Variants in HSD17B7 observed in about 807,000 individuals in gnomAD.
HSD17B7 encodes hydroxysteroid 17-beta dehydrogenase 7, also known as 3-keto-steroid reductase/17-beta-hydroxysteroid dehydrogenase 7.
Under a neutral mutation model 34.1 loss-of-function variants are expected in HSD17B7, and 17 were observed. The observed-to-expected ratio is 0.50, with a 90% CI of 0.34 to 0.75. The LOEUF (loss-of-function observed/expected upper bound fraction) is 0.75. Ranked by LOEUF, HSD17B7 falls within the 30% of genes least tolerant of loss-of-function variation. The pLI is 0.01. For synonymous variants in HSD17B7, 122 were observed against 154.6 expected (o/e 0.79, Z 1.56); for missense variants, 296 against 406.6 (o/e 0.73, Z 2.34).
At chr1:162,809,616 G>A (rs1649108648) in intron 8 of HSD17B7, among the ~76,000 whole-genome samples, 2 of 152,070 alleles carry the variant, frequency 1.3e-5, no homozygotes, top group South Asian at 4.1e-4. Flanking sequence ...TTGGTTGGTA[G>A]GCTATTAATT....
rs756546235 is a variant in HSD17B7 at position 162,796,619 on chromosome 1, G to T, written c.274G>T (p.Gly92Trp). The change falls in exon 3 of 9, where the codon GGG becomes TGG. Residue 92 changes from glycine to tryptophan, a missense_variant. Gly to Trp is a radical substitution (Grantham distance 184). Transcript: ENST00000254521. ...ATTAGACTGTATATATCTAAATGCTGGGATCATGCCTAATCCACAACTAAA... is the reference window on the plus strand; with the variant it reads ...ATTAGACTGTATATATCTAAATGCTTGGATCATGCCTAATCCACAACTAAA... ...QRLDCIYLNA[G>W]IMPNPQLNIK... 6.2e-7 allele frequency: 1 copy of T among 1,612,270 alleles called. No individual in the cohort carries two copies. The highest frequency in any genetic ancestry group is 1.3e-5 in the African/African-American group (1 of 74,854).
chr1:162,799,179 C>T (rs770230855), intron 4 of HSD17B7, among the ~76,000 whole-genome samples: 3 of 151,934 alleles, frequency 2.0e-5, no homozygotes, highest in Non-Finnish European at 4.4e-5. Context: ...TCCATATGGA[C>T]TCATGTTTAT....
chr1:162,790,925 A>G (rs1420382934), intron 1 of HSD17B7, 90 bp downstream of exon 1: 2 of 913,220 alleles, frequency 2.2e-6, no homozygotes, highest in African/African-American at 3.2e-5. Flanking sequence ...GGACCCCGGA[A>G]GCGCCCGCCC....
chr1:162,808,221 G>A (rs571211418), intron 8 of HSD17B7, among the ~76,000 whole-genome samples: 18,604 of 152,148 alleles, frequency 0.12, 1,483 homozygotes, highest in Non-Finnish European at 0.18. Flanking sequence ...TTATTAAATA[G>A]GGAATCCTTT....
chr1:162,809,814 T>C (rs1050085879), intron 8 of HSD17B7, among the ~76,000 whole-genome samples: 35 of 152,308 alleles, frequency 2.3e-4, no homozygotes, highest in Non-Finnish European at 4.9e-4. Flanking sequence ...TCATTTTTTA[T>C]TGCGTCTATT....
chr1:162,808,518 G>T lies in HSD17B7; in HGVS notation c.903+3026G>T, dbSNP rs539122119. ...AATTCTGTGAAGAAAGTCATTGGTA[G>T]CTTGATGGGGATGGCATTGAATCTA... On this transcript the variant is annotated intron_variant, in intron 8 of 8. Transcript: ENST00000254521. Among the ~76,000 whole-genome samples the T allele has an allele frequency of 5.3e-5, 8 of 152,316 alleles. No individual in the cohort carries two copies. The East Asian group carries it at 1.2e-3, about 22-fold the overall frequency.
intron 8 of HSD17B7, among the ~76,000 whole-genome samples, chr1:162,810,595 G>T (rs1030219562): frequency 6.6e-6 from 1 of 152,122 alleles, no homozygotes; most frequent in African/African-American, 2.4e-5. Context: ...AAGCCTCTTT[G>T]TAGGTCTCTA....
In HSD17B7 at chr1:162,803,510, C is replaced by T. The variant is rs148144473; in HGVS notation, c.722C>T (p.Thr241Met). ...TYGILPPFIW[T>M]LLMPAILLLR... Reference sequence around the variant, plus strand: ...GGAATTCTGCCTCCGTTTATATGGACGCTGTTGATGCCGGCAATATTGCTA... The same window carrying T: ...GGAATTCTGCCTCCGTTTATATGGATGCTGTTGATGCCGGCAATATTGCTA... Residue 241 changes from threonine (T) to methionine (M), a missense_variant, in exon 6 of 9, where the codon ACG becomes ATG. Coordinates refer to ENST00000254521, the MANE Select transcript of HSD17B7 (RefSeq NM_016371.4). 2.0e-4 allele frequency: 323 copies of T among 1,612,818 alleles called. No homozygotes were observed. Among genetic ancestry groups the T allele is most frequent in the African/African-American group, 9.5e-4 (71 of 74,950 alleles).
chr1:162,794,894 A>G (rs1488323927), intron 2 of HSD17B7, among the ~76,000 whole-genome samples: 1 of 152,204 alleles, frequency 6.6e-6, no homozygotes. Context: ...AGTATTTCGT[A>G]AGATATTTAG....
chr1:162,811,873 G>A (rs190379143), intron 8 of HSD17B7, among the ~76,000 whole-genome samples: 4 of 152,314 alleles, frequency 2.6e-5, no homozygotes, highest in African/African-American at 9.6e-5. Flanking sequence ...CTGAAGTATC[G>A]TCTTATATCC....
Position 162,799,878 on chromosome 1 carries a change from T to C in HSD17B7, c.583T>C (p.Ser195Pro). ...QHSKGKEPYS[S>P]SKYATDLLSV... ...CAGCAAAGGCAAGGAACCCTACAGCTCTTCCAAATATGCCACTGACCTTTT... is the reference window on the plus strand; with the variant it reads ...CAGCAAAGGCAAGGAACCCTACAGCCCTTCCAAATATGCCACTGACCTTTT... The change falls in exon 5 of 9, where the codon TCT (serine) becomes CCT (proline). Residue 195 changes from serine (S) to proline (P), a missense_variant. Coordinates refer to ENST00000254521, the MANE Select transcript of HSD17B7 (RefSeq NM_016371.4). The C allele has an allele frequency of 6.2e-7, 1 of 1,614,090 alleles. No homozygotes were observed. Among genetic ancestry groups the C allele is most frequent in the South Asian group, 1.1e-5 (1 of 91,064 alleles).
chr1:162,796,698 G>A, intron 3 of HSD17B7, 21 bp downstream of exon 3: 1 of 1,339,178 alleles, frequency 7.5e-7, no homozygotes, highest in Non-Finnish European at 1.1e-6. Context: ...TTTTATGGAT[G>A]AACTGATTGG....
chr1:162,809,327 T>C (rs1649095125), intron 8 of HSD17B7, among the ~76,000 whole-genome samples: 1 of 152,242 alleles, frequency 6.6e-6, no homozygotes, highest in African/African-American at 2.4e-5. Context: ...ACTCACTTGA[T>C]CATGGTGGAT....
At chr1:162,807,947 G>T (rs1649039145) in intron 8 of HSD17B7, among the ~76,000 whole-genome samples, 1 of 152,042 alleles carries the variant, frequency 6.6e-6, no homozygotes, top group Admixed American at 6.5e-5. Flanking sequence ...AGTTTCTCTT[G>T]CTTTGCAGAA....
At chr1:162,806,092 C>G (rs1399936121) in intron 8 of HSD17B7, among the ~76,000 whole-genome samples, 1 of 152,056 alleles carries the variant, frequency 6.6e-6, no homozygotes, top group Non-Finnish European at 1.5e-5. Flanking sequence ...GTTTTTTAGA[C>G]TTGGTATAAT....
At chr1:162,802,365 C>T (rs1166663060) in intron 5 of HSD17B7, among the ~76,000 whole-genome samples, 1 of 152,196 alleles carries the variant, frequency 6.6e-6, no homozygotes, top group African/African-American at 2.4e-5. Context: ...TTTTCCTTAG[C>T]TGTTTTAGGG....
chr1:162,807,850 A>C (rs1422913654), intron 8 of HSD17B7, among the ~76,000 whole-genome samples: 2 of 151,704 alleles, frequency 1.3e-5, no homozygotes, highest in Admixed American at 6.6e-5. Context: ...ATTTGAGTTC[A>C]TTGTAGATTC....
intron 8 of HSD17B7, among the ~76,000 whole-genome samples, chr1:162,809,585 C>A (rs1254907894): frequency 5.9e-5 from 9 of 151,984 alleles, no homozygotes; most frequent in Non-Finnish European, 8.8e-5. Context: ...AGCTGTGAAT[C>A]CATCTGGTCC....
chr1:162,808,254 G>T (rs1213869425), intron 8 of HSD17B7, among the ~76,000 whole-genome samples: 1 of 151,970 alleles, frequency 6.6e-6, no homozygotes, highest in Non-Finnish European at 1.5e-5. Context: ...TTTTTGTCAG[G>T]TTTGTCAAAG....
Sources: allele counts gnomAD v4.1 joint callset (sites outside exome capture counted in the v4.1 genomes callset), GRCh38; gene constraint gnomAD v4.1.1; transcripts MANE v1.5; gene names NCBI Gene and HGNC (gene_info 2026-07-23, HGNC 2026-07-21).